The following SDK1 variants were observed in gnomAD, a reference collection of about 807,000 sequenced individuals.
SDK1 encodes protein sidekick-1.
Under a neutral mutation model 245.5 loss-of-function variants are expected in SDK1, and 157 were observed. The ratio of observed to expected loss-of-function variants is 0.64; its 90% CI spans 0.56 to 0.73. The LOEUF (loss-of-function observed/expected upper bound fraction) is 0.73. SDK1 is among the 30% of genes least tolerant of loss of function. The pLI is 0.00. For synonymous variants in SDK1, 1,647 were observed against 1,278.5 expected (o/e 1.29, Z -6.15); for missense variants, 3,583 against 3,002.3 (o/e 1.19, Z -4.52).
At chr7:3,305,817 T>C (rs1461089108) in intron 1 of SDK1, among the ~76,000 whole-genome samples, 1 of 150,662 alleles carries the variant, frequency 6.6e-6, no homozygotes, top group Non-Finnish European at 1.5e-5. Context: ...TAGCCACCTG[T>C]AGCTGTCCTT....
At chr7:3,977,557 G>A (rs1429737419) in intron 13 of SDK1, among the ~76,000 whole-genome samples, 1 of 152,240 alleles carries the variant, frequency 6.6e-6, no homozygotes, top group African/African-American at 2.4e-5. Flanking sequence ...CTGTCTCTGC[G>A]GTTGGGTGCT....
At chr7:3,318,646 C>G (rs1441159902) in intron 1 of SDK1, among the ~76,000 whole-genome samples, 1 of 152,164 alleles carries the variant, frequency 6.6e-6, no homozygotes, top group Non-Finnish European at 1.5e-5. Flanking sequence ...TTCTCTCCTA[C>G]TTACCTCCTG....
intron 22 of SDK1, among the ~76,000 whole-genome samples, chr7:4,102,841 G>A (rs1387990816): frequency 6.6e-6 from 1 of 151,758 alleles, no homozygotes; most frequent in Non-Finnish European, 1.5e-5. Context: ...CAGACAGACA[G>A]CTCCCCTAAT....
Position 4,053,432 on chromosome 7 carries a change from C to T in SDK1, c.2911+1602C>T, listed in dbSNP as rs116482973. Among the ~76,000 whole-genome samples the T allele has an allele frequency of 7.9e-3, 1,200 of 151,984 alleles. 19 individuals are homozygous for T. Among genetic ancestry groups the T allele is most frequent in the African/African-American group, 0.027 (1,127 of 41,426 alleles). On this transcript the variant is annotated intron_variant, in intron 19 of 44. Transcript: ENST00000404826. The stretch of plus-strand genomic sequence containing the variant: ...TCCGTCATCCTGTTCCCTTCTTCCC[C>T]TCTCTGTCTTCATGGCGCTATTACT...
At chr7:3,589,977 A>G (rs1780809370) in intron 1 of SDK1, among the ~76,000 whole-genome samples, 1 of 152,228 alleles carries the variant, frequency 6.6e-6, no homozygotes, top group Admixed American at 6.5e-5. Flanking sequence ...GACCTGAGTC[A>G]TGTGCTTCCT....
intron 1 of SDK1, among the ~76,000 whole-genome samples, chr7:3,613,217 C>A (rs73298214): frequency 6.6e-6 from 1 of 152,028 alleles, no homozygotes; most frequent in Admixed American, 6.6e-5. Context: ...TTAGGGAAGC[C>A]GGGGGACGCA....
intron 1 of SDK1, among the ~76,000 whole-genome samples, chr7:3,545,694 G>T (rs571731329): frequency 6.6e-6 from 1 of 152,162 alleles, no homozygotes; most frequent in African/African-American, 2.4e-5. Context: ...ATTTTACCAG[G>T]CCAGAGCTGG....
chr7:4,025,846 C>G (rs886571100), intron 17 of SDK1, among the ~76,000 whole-genome samples: 2 of 152,190 alleles, frequency 1.3e-5, no homozygotes, highest in African/African-American at 4.8e-5. Flanking sequence ...GTCCTGAGCC[C>G]TGTCACATGT....
chr7:3,318,068 C>A (rs1779706659), intron 1 of SDK1, among the ~76,000 whole-genome samples: 1 of 152,126 alleles, frequency 6.6e-6, no homozygotes, highest in East Asian at 1.9e-4. Context: ...TATGCATATA[C>A]AACTATATAT....
chr7:3,620,008 G>C (rs1017202356), intron 2 of SDK1, among the ~76,000 whole-genome samples: 1 of 152,194 alleles, frequency 6.6e-6, no homozygotes. Context: ...TGGAGAACTA[G>C]CATGCCAGAA....
chr7:4,143,113 G>A (rs1397604527), intron 28 of SDK1, among the ~76,000 whole-genome samples: 7 of 152,174 alleles, frequency 4.6e-5, no homozygotes, highest in Non-Finnish European at 8.8e-5. Flanking sequence ...CACTCCTCAG[G>A]GCTGGGCTAG....
intron 5 of SDK1, among the ~76,000 whole-genome samples, chr7:3,848,064 G>T (rs929759258): frequency 3.3e-5 from 5 of 152,224 alleles, no homozygotes; most frequent in Non-Finnish European, 7.3e-5. Context: ...AACCGTATTT[G>T]AAATGTGCTT....
intron 4 of SDK1, among the ~76,000 whole-genome samples, chr7:3,818,808 G>A (rs968570013): frequency 6.6e-6 from 1 of 152,152 alleles, no homozygotes; most frequent in Non-Finnish European, 1.5e-5. Flanking sequence ...AGCTTCATGT[G>A]AAGGTCATTT....
intron 4 of SDK1, among the ~76,000 whole-genome samples, chr7:3,815,135 A>C (rs1779475398): frequency 5.9e-5 from 6 of 102,550 alleles, no homozygotes; most frequent in African/African-American, 2.6e-4. Context: ...CCCTGGCCAG[A>C]ACTTCCAACA....
chr7:3,770,011 A>G (rs927408398), intron 4 of SDK1, among the ~76,000 whole-genome samples: 3 of 151,608 alleles, frequency 2.0e-5, no homozygotes, highest in African/African-American at 7.3e-5. Flanking sequence ...AAGTTCACAT[A>G]TCCCTACTAC....
chr7:3,351,316 A>G (rs1018052088), intron 1 of SDK1, among the ~76,000 whole-genome samples: 5 of 152,208 alleles, frequency 3.3e-5, no homozygotes, highest in Non-Finnish European at 5.9e-5. Context: ...CATTTTACCT[A>G]ACAATTTATT....
chr7:3,781,272 A>G (rs916102626), intron 4 of SDK1, among the ~76,000 whole-genome samples: 2 of 152,156 alleles, frequency 1.3e-5, no homozygotes, highest in African/African-American at 4.8e-5. Flanking sequence ...GTACTTAGCC[A>G]GCAATCTCAT....
intron 1 of SDK1, among the ~76,000 whole-genome samples, chr7:3,615,374 A>T (rs1310746772): frequency 3.3e-5 from 5 of 151,638 alleles, no homozygotes; most frequent in Non-Finnish European, 5.9e-5. Context: ...GCTACATTCA[A>T]ATTTAAGAAT....
At chr7:3,788,095 G>A (rs1178930143) in intron 4 of SDK1, among the ~76,000 whole-genome samples, 3 of 152,140 alleles carry the variant, frequency 2.0e-5, no homozygotes, top group African/African-American at 7.2e-5. Context: ...CCCACCTCCC[G>A]GCCCGGGACC....
Sources: allele counts gnomAD v4.1 joint callset (sites outside exome capture counted in the v4.1 genomes callset), GRCh38; gene constraint gnomAD v4.1.1; transcripts MANE v1.5; gene names NCBI Gene and HGNC (gene_info 2026-07-23, HGNC 2026-07-21).